The following RHBDD1 variants were observed in gnomAD, a reference collection of about 807,000 sequenced individuals.
RHBDD1 encodes the protein rhomboid-related protein 4.
In RHBDD1, 38 loss-of-function variants were observed where a neutral mutation model predicts 36.3. That is an observed-to-expected ratio of 1.05 (90% CI 0.81 to 1.37). The LOEUF (loss-of-function observed/expected upper bound fraction) is 1.37, where lower values mean the gene tolerates loss of function less well. Among genes scored for constraint, RHBDD1 ranks in the 40% most tolerant of loss-of-function variants. RHBDD1 has a pLI of 0.00. For missense variants in RHBDD1, 393 were observed against 377.6 expected (o/e 1.04, Z -0.34); for synonymous variants, 151 against 136.5 (o/e 1.11, Z -0.74).
intron 8 of RHBDD1, among the ~76,000 whole-genome samples, chr2:226,985,505 T>C (rs1160379577): frequency 1.3e-5 from 2 of 152,268 alleles, no homozygotes; most frequent in Non-Finnish European, 1.5e-5. Flanking sequence ...TTTAATGTCA[T>C]AGGCCTCTGG....
chr2:226,920,793 A>G (rs988886801), intron 8 of RHBDD1, among the ~76,000 whole-genome samples: 2 of 152,030 alleles, frequency 1.3e-5, no homozygotes, highest in African/African-American at 4.8e-5. Context: ...TCTTTGCATC[A>G]ATGTTCATCA....
At chr2:226,876,512 A>T (rs1470601128) in intron 5 of RHBDD1, among the ~76,000 whole-genome samples, 2 of 152,178 alleles carry the variant, frequency 1.3e-5, no homozygotes, top group Non-Finnish European at 2.9e-5. Context: ...AGTAATTATT[A>T]CTTCTACCAC....
Position 226,996,140 on chromosome 2 carries a change from T to C in RHBDD1, c.*618T>C, listed in dbSNP as rs1286413033. 2 of 152,784 alleles carry C rather than the reference T, an allele frequency of 1.3e-5. No individual in the cohort carries two copies. The highest frequency in any genetic ancestry group is 2.4e-5 in the African/African-American group (1 of 41,448). The allele number at this position is 152,784 out of a possible 1,614,324, so 9.5% of individuals were successfully genotyped here. A position where few individuals can be genotyped will look rare whatever the true frequency, so the allele number is the denominator to read the frequency against. ...TATAGAAAGTCTTATTGAAGAAGTG[T>C]AAGAAAGACCTAAGGTGGGGAAGAC... On this transcript the variant is annotated 3_prime_UTR_variant, in exon 9 of 9. Coordinates refer to ENST00000392062, the MANE Select transcript of RHBDD1 (RefSeq NM_001167608.3).
At chr2:226,955,192 G>A (rs994403668) in intron 8 of RHBDD1, among the ~76,000 whole-genome samples, 9 of 152,158 alleles carry the variant, frequency 5.9e-5, no homozygotes, top group African/African-American at 2.2e-4. Flanking sequence ...TCAGGGAGAT[G>A]CAGTTGTAGT....
chr2:226,851,801 A>G (rs551913069), intron 3 of RHBDD1, among the ~76,000 whole-genome samples: 15 of 152,284 alleles, frequency 9.9e-5, no homozygotes, highest in African/African-American at 3.6e-4. Flanking sequence ...CTAAATCTGC[A>G]GTTCCCTTCC....
chr2:226,836,024 G>C (rs936653585), upstream of RHBDD1: 1 of 152,708 alleles, frequency 6.5e-6, no homozygotes, highest in Non-Finnish European at 1.5e-5. Flanking sequence ...GCCCCGGATC[G>C]GGAACGTGCG....
At chr2:226,962,615 G>C (rs1462555660) in intron 8 of RHBDD1, among the ~76,000 whole-genome samples, 2 of 152,140 alleles carry the variant, frequency 1.3e-5, no homozygotes, top group African/African-American at 4.8e-5. Context: ...TTAATTTGTG[G>C]CTGCAATTTA....
Position 226,914,228 on chromosome 2 carries a change from T to C in RHBDD1, c.733T>C (p.Tyr245His), listed in dbSNP as rs1162174913. The C allele has an allele frequency of 6.2e-7, 1 of 1,613,770 alleles. No homozygotes were observed. Among genetic ancestry groups the C allele is most frequent in the South Asian group, 1.1e-5 (1 of 91,072 alleles). ...TTTAGGCAGCTCTGGATATCAGGAT[T>C]ATTATCCGCATGGCAGGCCAGATCA... ...NSSGSSGYQD[Y>H]YPHGRPDHYE... The change falls in exon 8 of 9, where the codon TAT (tyrosine) becomes CAT (histidine). Residue 245 changes from tyrosine (Y) to histidine (H), a missense_variant. Tyr to His is a moderately conservative substitution (Grantham distance 83). Transcript: ENST00000392062.
intron 5 of RHBDD1, among the ~76,000 whole-genome samples, chr2:226,870,928 G>A (rs1944751382): frequency 6.6e-6 from 1 of 152,132 alleles, no homozygotes; most frequent in Non-Finnish European, 1.5e-5. Context: ...AGCAGAGGTG[G>A]AAGAAGATCC....
At chr2:226,810,682 G>A in the RHBDD1 span, among the ~76,000 whole-genome samples, 1 of 151,832 alleles carries the variant, frequency 6.6e-6, no homozygotes, top group South Asian at 2.1e-4. Context: ...GCTAAGGAGG[G>A]GGAAGAAGAA....
intron 5 of RHBDD1, among the ~76,000 whole-genome samples, chr2:226,885,922 G>C (rs1946165568): frequency 6.6e-6 from 1 of 152,192 alleles, no homozygotes; most frequent in Non-Finnish European, 1.5e-5. Flanking sequence ...TGGGCAGGTA[G>C]TGTATGCAGC....
At chr2:226,881,903 A>G (rs561184671) in intron 5 of RHBDD1, among the ~76,000 whole-genome samples, 1 of 152,270 alleles carries the variant, frequency 6.6e-6, no homozygotes, top group African/African-American at 2.4e-5. Flanking sequence ...TGTCCTTTAC[A>G]TATTTTCAGG....
intron 5 of RHBDD1, among the ~76,000 whole-genome samples, chr2:226,897,621 A>G (rs1250686819): frequency 6.6e-6 from 1 of 152,188 alleles, no homozygotes; most frequent in Non-Finnish European, 1.5e-5. Context: ...CAGTTTGTGC[A>G]AAGACCACAT....
chr2:226,851,802 G>A (rs1369741448), intron 3 of RHBDD1, among the ~76,000 whole-genome samples: 32 of 152,180 alleles, frequency 2.1e-4, no homozygotes, highest in Admixed American at 2.0e-3. Flanking sequence ...TAAATCTGCA[G>A]TTCCCTTCCT....
chr2:226,928,754 A>T (rs1482129619), intron 8 of RHBDD1, among the ~76,000 whole-genome samples: 13 of 152,096 alleles, frequency 8.5e-5, no homozygotes, highest in Non-Finnish European at 1.9e-4. Context: ...ATAGACCGTT[A>T]GCTATCTTAA....
chr2:226,924,973 G>A (rs924577377), intron 8 of RHBDD1, among the ~76,000 whole-genome samples: 2 of 152,230 alleles, frequency 1.3e-5, no homozygotes, highest in African/African-American at 4.8e-5. Flanking sequence ...TCACTCACAT[G>A]ATCTTTGGTT....
At chr2:226,975,454 C>T (rs960458217) in intron 8 of RHBDD1, among the ~76,000 whole-genome samples, 9 of 152,238 alleles carry the variant, frequency 5.9e-5, no homozygotes, top group African/African-American at 2.2e-4. Flanking sequence ...GAGGGAGGGC[C>T]CCACTCCTAG....
rs922974076 is a variant in RHBDD1 at position 226,957,070 on chromosome 2, C to T, written c.857-38361C>T. On this transcript the variant is annotated intron_variant, in intron 8 of 8. Transcript: ENST00000392062. The stretch of plus-strand genomic sequence containing the variant: ...ATTTGTAATAGATCTTAGCAAAAAT[C>T]GATTCTATATTCATTTTAGTGATAC... Among the ~76,000 whole-genome samples the T allele has an allele frequency of 5.3e-5, 8 of 152,152 alleles. No individual in the cohort carries two copies. The East Asian group carries it at 5.8e-4, about 11-fold the overall frequency.
At chr2:226,846,571 T>C (rs1295703193) in intron 3 of RHBDD1, among the ~76,000 whole-genome samples, 2 of 151,746 alleles carry the variant, frequency 1.3e-5, no homozygotes, top group Admixed American at 6.6e-5. Flanking sequence ...TGGTGAAACC[T>C]TGTCTCTACT....
Sources: gnomAD v4.1 joint callset for allele counts (sites outside exome capture counted in the v4.1 genomes callset) on GRCh38, gnomAD v4.1.1 for gene constraint, MANE v1.5 for transcripts, NCBI Gene and HGNC (gene_info 2026-07-23, HGNC 2026-07-21) for gene names.